Variants in RFC5 observed in about 807,000 individuals in gnomAD.
RFC5 encodes the protein A1 36 kDa subunit.
In RFC5, 26 loss-of-function variants were observed where a neutral mutation model predicts 44.3. The ratio of observed to expected loss-of-function variants is 0.59; its 90% CI spans 0.43 to 0.81. The LOEUF is 0.81. Ranked by LOEUF, RFC5 falls within the 40% of genes least tolerant of loss-of-function variation. The pLI is 0.00. For missense variants in RFC5, 328 were observed against 418.6 expected (o/e 0.78, Z 1.89); for synonymous variants, 155 against 155.2 (o/e 1.00, Z 0.01).
chr12:118,040,864 G>A, the RFC5 span, among the ~76,000 whole-genome samples: 2 of 152,182 alleles, frequency 1.3e-5, no homozygotes, highest in African/African-American at 2.4e-5. Context: ...CCTGGCCAAC[G>A]TGGTGAAACC....
intron 4 of RFC5, among the ~76,000 whole-genome samples, chr12:118,022,003 G>A (rs752121212): frequency 1.2e-4 from 19 of 152,082 alleles, no homozygotes; most frequent in African/African-American, 2.2e-4. Flanking sequence ...TGAGGGAGAC[G>A]GGAAAAGCAG....
Position 118,025,824 on chromosome 12 carries a change from T to C in RFC5, c.659T>C (p.Leu220Ser). The change falls in exon 7 of 11, where the codon TTG becomes TCG. Residue 220 changes from leucine (L) to serine (S), a missense_variant. Coordinates refer to ENST00000454402, the MANE Select transcript of RFC5 (RefSeq NM_007370.7). ...SGDMRRALNI[L>S]QSTNMAFGKV... ...GACATGCGTAGGGCTCTGAACATTTTGCAGGTATGGTCTCAAGCAAATCCT... is the reference window on the plus strand; with the variant it reads ...GACATGCGTAGGGCTCTGAACATTTCGCAGGTATGGTCTCAAGCAAATCCT... 1.3e-6 allele frequency: 2 copies of C among 1,583,122 alleles called. No individual in the cohort carries two copies. Among genetic ancestry groups the C allele is most frequent in the Non-Finnish European group, 1.7e-6 (2 of 1,153,706 alleles).
chr12:118,028,031 G>A lies in RFC5; in HGVS notation c.871+1G>A. The A allele has an allele frequency of 1.3e-6, 2 of 1,589,378 alleles. No individual in the cohort carries two copies. The highest frequency in any genetic ancestry group is 1.7e-4 in the Middle Eastern group (1 of 6,038). ...GAGATACACTTGTTTGTGCATAGAG[G>A]TAACTTACATTATCCCCCAGCTGAG... On this transcript the variant is annotated splice_donor_variant, in intron 9 of 10. Coordinates refer to ENST00000454402, the MANE Select transcript of RFC5 (RefSeq NM_007370.7). LOFTEE classifies it high-confidence loss of function.
At chr12:118,035,152 C>G (rs1366720276), downstream of RFC5, 4 of 1,612,132 alleles carry the variant, frequency 2.5e-6, no homozygotes, top group Admixed American at 6.7e-5. Context: ...CCAAGAGGGC[C>G]TTGCTGCCAT....
chr12:118,031,273 G>A lies in RFC5; in HGVS notation c.1018G>A (p.Ala340Thr). ...CACCAGAGACCTGATTGTTGCAGAG[G>A]CCTAGATGCTCTGAGGGCCATTCAC... is the stretch of plus-strand genomic sequence containing the variant. ...QVTRDLIVAE[A>T] Residue 340 changes from alanine to threonine, a missense_variant, in exon 11 of 11, where the codon GCC (alanine) becomes ACC (threonine). Physicochemically the swap from Ala to Thr is moderately conservative, Grantham distance 58. Coordinates refer to ENST00000454402, the MANE Select transcript of RFC5 (RefSeq NM_007370.7). 1.2e-6 allele frequency: 2 copies of A among 1,605,996 alleles called. No individual in the cohort carries two copies. Among genetic ancestry groups the A allele is most frequent in the Non-Finnish European group, 1.7e-6 (2 of 1,172,866 alleles).
chr12:118,033,784 T>C (rs2031433867), downstream of RFC5: 2 of 172,902 alleles, frequency 1.2e-5, no homozygotes, highest in South Asian at 2.9e-4. Flanking sequence ...AACACAAGGA[T>C]AGGTACTAGG....
At chr12:118,025,088 A>G in intron 6 of RFC5, 78 bp downstream of exon 6, 1 of 1,430,780 alleles carries the variant, frequency 7.0e-7, no homozygotes, top group Non-Finnish European at 9.5e-7. Context: ...TCGTATGTAG[A>G]GGAGAGGAAT....
chr12:118,022,465 G>GT (rs959143622), intron 5 of RFC5, 106 bp downstream of exon 5: 1,329 of 783,902 alleles, frequency 1.7e-3, no homozygotes, highest in Non-Finnish European at 2.0e-3. Context: ...GCGGGGGGGA[G>GT]TTTTTTTTTC....
intron 4 of RFC5, among the ~76,000 whole-genome samples, chr12:118,021,290 C>T (rs1446009909): frequency 1.3e-5 from 2 of 151,802 alleles, no homozygotes; most frequent in Non-Finnish European, 2.9e-5. Flanking sequence ...CGGCTCACTG[C>T]AACCTCCACC....
At chr12:118,038,021 G>T (rs914861750), downstream of RFC5, 41 of 328,582 alleles carry the variant, frequency 1.2e-4, no homozygotes, top group Admixed American at 1.4e-3. Flanking sequence ...AAGAAGAAAA[G>T]AAATTTAAAA....
chr12:118,024,571 A>G (rs142093737), intron 5 of RFC5, among the ~76,000 whole-genome samples: 1 of 151,636 alleles, frequency 6.6e-6, no homozygotes, highest in African/African-American at 2.4e-5. Flanking sequence ...GATTACAGGC[A>G]TGTGCCACCA....
downstream of RFC5, chr12:118,036,564 A>C: frequency 3.3e-6 from 5 of 1,527,678 alleles, no homozygotes; most frequent in Non-Finnish European, 3.5e-6. Context: ...CTTAGGACTC[A>C]AACGGAGGGA....
chr12:118,019,646 A>G lies in RFC5; in HGVS notation c.145A>G (p.Asn49Asp). The change falls in exon 3 of 11, where the codon AAT becomes GAT. Residue 49 changes from asparagine (N) to aspartate (D), a missense_variant. Transcript: ENST00000454402. The surrounding 1 kb of genome is among the most constrained non-coding windows in gnomAD (Gnocchi z 4.2). Reference sequence around the variant, plus strand: ...CTGATCCTCAGTTCAGAAGTTTATCAATGAAGACCGACTGCCACACTTGCT... The same window carrying G: ...CTGATCCTCAGTTCAGAAGTTTATCGATGAAGACCGACTGCCACACTTGCT... The part of the protein sequence containing the change: ...DILSTIQKFI[N>D]EDRLPHLLLY... The G allele has an allele frequency of 1.2e-6, 2 of 1,614,072 alleles. No homozygotes were observed. Among genetic ancestry groups the G allele is most frequent in the Non-Finnish European group, 1.7e-6 (2 of 1,179,958 alleles).
At position 118,019,274 on chromosome 12, in the gene RFC5, C is replaced by T; in HGVS notation, c.130+138C>T. 1.4e-6 allele frequency: 1 copy of T among 719,288 alleles called. No individual in the cohort carries two copies. The highest frequency in any genetic ancestry group is 2.2e-5 in the Admixed American group (1 of 46,506). The allele number at this position is 719,288 out of a possible 1,614,324, so 44.6% of individuals were successfully genotyped here. A position where few individuals can be genotyped will look rare whatever the true frequency, so the allele number is the denominator to read the frequency against. ...GAATGTGGCTTTAAGATCATTCATT[C>T]ATTTTCTTCAGGTTGCTACAGTCCA... is the stretch of plus-strand genomic sequence containing the variant. On this transcript the variant is annotated intron_variant, in intron 2 of 10. Transcript: ENST00000454402. The surrounding 1 kb of genome is among the most constrained non-coding windows in gnomAD (Gnocchi z 4.2).
downstream of RFC5, chr12:118,034,615 G>A (rs149901700): frequency 6.5e-5 from 29 of 446,482 alleles, no homozygotes; most frequent in African/African-American, 5.8e-4. Context: ...TTCTAAATCT[G>A]ACCACAGTTA....
the RFC5 span, among the ~76,000 whole-genome samples, chr12:118,039,133 G>C: frequency 6.6e-6 from 1 of 152,122 alleles, no homozygotes; most frequent in Non-Finnish European, 1.5e-5. Flanking sequence ...GCTCCAGACT[G>C]TCACCCTCCC....
intron 8 of RFC5, 83 bp downstream of exon 8, chr12:118,027,101 C>A: frequency 7.0e-7 from 1 of 1,421,872 alleles, no homozygotes; most frequent in Non-Finnish European, 9.7e-7. Flanking sequence ...CCACACCTTG[C>A]TGGCAAAGGA....
chr12:118,034,584 T>TC, downstream of RFC5: 1 of 521,412 alleles, frequency 1.9e-6, no homozygotes. Context: ...GCTCTCTCTG[T>TC]CTCTCTCTCG....
chr12:118,020,791 A>G (rs969694082), intron 3 of RFC5, 115 bp from the exon 4 acceptor site: 3 of 562,346 alleles, frequency 5.3e-6, no homozygotes, highest in South Asian at 2.7e-5. Flanking sequence ...AGCCATCATT[A>G]GACATAGAGA....
Sources: gnomAD v4.1 joint callset for allele counts (sites outside exome capture counted in the v4.1 genomes callset) on GRCh38, gnomAD v4.1.1 for gene constraint, Gnocchi (gnomAD v3.1) non-coding constraint, MANE v1.5 for transcripts, NCBI Gene and HGNC (gene_info 2026-07-23, HGNC 2026-07-21) for gene names.